ROBO2: variants seen among roughly 807,000 people sequenced by gnomAD.
The protein encoded by ROBO2 is roundabout guidance receptor 2.
A neutral mutation model predicts 160.8 loss-of-function variants in ROBO2; 53 were observed. The ratio of observed to expected loss-of-function variants is 0.33; its 90% CI spans 0.26 to 0.41. The LOEUF (loss-of-function observed/expected upper bound fraction) is 0.41, where lower values mean the gene tolerates loss of function less well. Among genes scored for constraint, ROBO2 ranks in the 10% least tolerant of loss-of-function variants. The pLI, the probability that ROBO2 is intolerant of heterozygous loss-of-function variation, is 1.00. For synonymous variants in ROBO2, 664 were observed against 611.7 expected (o/e 1.09, Z -1.26); for missense variants, 1,577 against 1,722.4 (o/e 0.92, Z 1.49).
intron 1 of ROBO2, among the ~76,000 whole-genome samples, chr3:77,078,643 A>C (rs1184234246): frequency 6.6e-6 from 1 of 152,222 alleles, no homozygotes; most frequent in Non-Finnish European, 1.5e-5. Flanking sequence ...CAGATGAAAC[A>C]ACTGAGGCTC....
chr3:76,493,360 T>TATATATATATATATATATATATATATATA (rs1431991929), intron 2 of ROBO2, among the ~76,000 whole-genome samples: 4 of 138,928 alleles, frequency 2.9e-5, no homozygotes, highest in African/African-American at 1.0e-4. Context: ...TATATATATA[T>TATATATATATATATATATATATATATATA]ATATAATTGT....
intron 2 of ROBO2, among the ~76,000 whole-genome samples, chr3:76,198,899 T>C (rs1702386469): frequency 6.6e-6 from 1 of 152,188 alleles, no homozygotes; most frequent in African/African-American, 2.4e-5. Context: ...CTTGCATGTA[T>C]TGATTGATGT....
chr3:76,531,365 ACTTCT>A (rs1322468085), intron 2 of ROBO2, among the ~76,000 whole-genome samples: 1 of 152,044 alleles, frequency 6.6e-6, no homozygotes, highest in Non-Finnish European at 1.5e-5. Context: ...TCTGGTTTGA[ACTTCT>A]CTTCTTTTAG....
upstream of ROBO2, among the ~76,000 whole-genome samples, chr3:77,038,406 T>A (rs2063760333): frequency 6.6e-6 from 1 of 152,170 alleles, no homozygotes; most frequent in Non-Finnish European, 1.5e-5. Flanking sequence ...TCCTAATGTC[T>A]CTTCTAATTG....
chr3:77,412,805 G>A (rs1459382452), intron 2 of ROBO2, among the ~76,000 whole-genome samples: 1 of 152,236 alleles, frequency 6.6e-6, no homozygotes, highest in East Asian at 1.9e-4. Context: ...GTTAGCCTCT[G>A]CCCTGGGGCA....
intron 2 of ROBO2, among the ~76,000 whole-genome samples, chr3:77,400,797 G>T (rs375536872): frequency 6.6e-6 from 1 of 151,654 alleles, no homozygotes; most frequent in Non-Finnish European, 1.5e-5. Flanking sequence ...CTTCAGAGAC[G>T]AGGAAAACTG....
At chr3:75,975,332 TA>T (rs2065108341) in intron 2 of ROBO2, among the ~76,000 whole-genome samples, 1 of 151,474 alleles carries the variant, frequency 6.6e-6, no homozygotes, top group African/African-American at 2.4e-5. Context: ...ATTATTTATA[TA>T]AAAATGAATA....
At chr3:77,136,952 T>A (rs2076328660) in intron 2 of ROBO2, among the ~76,000 whole-genome samples, 1 of 151,968 alleles carries the variant, frequency 6.6e-6, no homozygotes, top group Admixed American at 6.6e-5. Flanking sequence ...GTTAATTTTT[T>A]AAATTATTTT....
At chr3:77,199,099 T>G (rs9822245) in intron 2 of ROBO2, among the ~76,000 whole-genome samples, 50,777 of 151,942 alleles carry the variant, frequency 0.33, 9,963 homozygotes, top group Middle Eastern at 0.52. Context: ...ACAGCAATGA[T>G]TCCCAGCAGG....
intron 2 of ROBO2, among the ~76,000 whole-genome samples, chr3:77,134,308 T>A (rs1389530029): frequency 6.6e-6 from 1 of 152,200 alleles, no homozygotes; most frequent in African/African-American, 2.4e-5. Flanking sequence ...CCGAAAGAAT[T>A]AAAAAATATA....
rs560563592 is a variant in ROBO2 at position 77,360,887 on chromosome 3, T to C, written c.389-116527T>C. On this transcript the variant is annotated intron_variant, in intron 2 of 25. Coordinates refer to ENST00000461745, the Ensembl canonical transcript of ROBO2. ...GGGACTTGAGGTGGGTGCTAAAATA[T>C]TTTTGTTTGCATTTTTTTTTTCTGG... is the stretch of plus-strand genomic sequence containing the variant. 3.9e-5 allele frequency among the ~76,000 whole-genome samples: 3 copies of C among 77,886 alleles called. No homozygotes were observed. The East Asian group carries it at 1.1e-3, about 28-fold the overall frequency. The allele number at this position is 77,886 out of a possible 152,430, so 51.1% of individuals were successfully genotyped here.
chr3:76,890,132 C>T (rs2148811385), intron 2 of ROBO2, among the ~76,000 whole-genome samples: 1 of 152,246 alleles, frequency 6.6e-6, no homozygotes, highest in Middle Eastern at 3.4e-3. Flanking sequence ...GATCATTCTG[C>T]GTTTGGAACA....
At chr3:77,636,001 A>G (rs997425349) in intron 24 of ROBO2, among the ~76,000 whole-genome samples, 6 of 152,120 alleles carry the variant, frequency 3.9e-5, no homozygotes, top group Admixed American at 1.3e-4. Flanking sequence ...TTGTATGATC[A>G]CATAGCGGAA....
chr3:76,832,898 T>C (rs1217907506), intron 2 of ROBO2, among the ~76,000 whole-genome samples: 1 of 152,154 alleles, frequency 6.6e-6, no homozygotes, highest in East Asian at 1.9e-4. Flanking sequence ...TGAGCATTCT[T>C]TATCAGAGAG....
At chr3:76,023,441 A>G (rs1289677802) in intron 2 of ROBO2, among the ~76,000 whole-genome samples, 1 of 151,736 alleles carries the variant, frequency 6.6e-6, no homozygotes, top group Middle Eastern at 3.4e-3. Flanking sequence ...AGGCCATTGT[A>G]GGGTTATTAA....
At chr3:75,936,971 CTCTT>C (rs1350890009) in intron 1 of ROBO2, among the ~76,000 whole-genome samples, 1 of 151,928 alleles carries the variant, frequency 6.6e-6, no homozygotes, top group African/African-American at 2.4e-5. Context: ...CATGATGAAT[CTCTT>C]TATTCAGTTA....
At chr3:77,273,409 T>A (rs2059629308) in intron 2 of ROBO2, among the ~76,000 whole-genome samples, 1 of 152,152 alleles carries the variant, frequency 6.6e-6, no homozygotes, top group African/African-American at 2.4e-5. Context: ...AGTACCAGAA[T>A]CTTGACTGGT....
chr3:76,464,527 A>G (rs889070690), intron 2 of ROBO2, among the ~76,000 whole-genome samples: 7 of 152,026 alleles, frequency 4.6e-5, no homozygotes, highest in African/African-American at 1.7e-4. Flanking sequence ...ATAAAACCCC[A>G]GAGTCAGTTT....
In ROBO2 at chr3:75,957,103, A is replaced by G. The variant is rs569783767; in HGVS notation, c.109+19501A>G. Among the ~76,000 whole-genome samples the G allele has an allele frequency of 5.3e-5, 8 of 151,818 alleles. No homozygotes were observed. The East Asian group carries it at 1.6e-3, about 30-fold the overall frequency. ...GCTTAACTTAGTGTGCAAGGCCTAC[A>G]AATAAACCTAATAAATATCTTACAA... On this transcript the variant is annotated intron_variant, in intron 2 of 26. Coordinates refer to the ROBO2 transcript ENST00000487694.
Sources: gnomAD v4.1 joint callset for allele counts (sites outside exome capture counted in the v4.1 genomes callset) on GRCh38, gnomAD v4.1.1 for gene constraint, MANE v1.5 for transcripts, NCBI Gene and HGNC (gene_info 2026-07-23, HGNC 2026-07-21) for gene names.